The following IMMP2L variants were observed in gnomAD, a reference collection of about 807,000 sequenced individuals.
IMMP2L encodes inner mitochondrial membrane peptidase subunit 2, also known as mitochondrial inner membrane protease subunit 2.
In IMMP2L, 18 loss-of-function variants were observed where a neutral mutation model predicts 19.3. The ratio of observed to expected loss-of-function variants is 0.93; its 90% CI spans 0.64 to 1.38. The LOEUF (loss-of-function observed/expected upper bound fraction) is 1.38, where lower values mean the gene tolerates loss of function less well. IMMP2L is among the 40% of genes most tolerant of loss of function. The probability of loss-of-function intolerance (pLI) is 0.00; values close to 1 mark genes in which losing one functional copy is unlikely to be tolerated. For missense variants in IMMP2L, 233 were observed against 218.2 expected, an observed-to-expected ratio of 1.07 and a Z score of -0.43; for synonymous variants, 76 against 73.0, an observed-to-expected ratio of 1.04 and a Z score of -0.21.
chr7:111,229,462 T>C (rs1586934530), intron 3 of IMMP2L, among the ~76,000 whole-genome samples: 1 of 152,122 alleles, frequency 6.6e-6, no homozygotes, highest in East Asian at 1.9e-4. Context: ...AGGGTTGAAA[T>C]TATCCCTGGT....
At chr7:110,841,030 A>G (rs1805027775) in intron 5 of IMMP2L, among the ~76,000 whole-genome samples, 1 of 152,046 alleles carries the variant, frequency 6.6e-6, no homozygotes, top group Non-Finnish European at 1.5e-5. Context: ...AATGGTGTTT[A>G]TTTAATTCAA....
intron 5 of IMMP2L, among the ~76,000 whole-genome samples, chr7:110,694,085 G>A (rs911052526): frequency 2.5e-4 from 38 of 152,182 alleles, no homozygotes; most frequent in African/African-American, 3.6e-4. Context: ...TGATAAAGTC[G>A]TAAAAAATAA....
chr7:111,289,688 A>ATTTTG (rs773395779), intron 3 of IMMP2L, among the ~76,000 whole-genome samples: 13 of 152,070 alleles, frequency 8.5e-5, no homozygotes, highest in African/African-American at 1.2e-4. Context: ...CTACTGTTCT[A>ATTTTG]TTTTGTTTTG....
At chr7:111,393,609 G>A (rs1467702655) in intron 3 of IMMP2L, among the ~76,000 whole-genome samples, 1 of 152,052 alleles carries the variant, frequency 6.6e-6, no homozygotes, top group Non-Finnish European at 1.5e-5. Context: ...TGGTTTACAG[G>A]CTCAGTGTCT....
At chr7:111,251,735 G>T (rs936910636) in intron 3 of IMMP2L, among the ~76,000 whole-genome samples, 1 of 152,046 alleles carries the variant, frequency 6.6e-6, no homozygotes. Context: ...ACGAACTGGG[G>T]CCCATTGATG....
At position 111,392,923 on chromosome 7, in the gene IMMP2L, A is replaced by C. The variant is rs1832509641; in HGVS notation, c.239+94315T>G. Reference sequence around the variant, plus strand: ...CCCATGGAGCTGGGGGGTCCCACCCACCTGGCATGTGGATGTGTTCGCCAA... The same window carrying C: ...CCCATGGAGCTGGGGGGTCCCACCCCCCTGGCATGTGGATGTGTTCGCCAA... On this transcript the variant is annotated intron_variant, in intron 3 of 5. Coordinates refer to ENST00000405709, the MANE Select transcript of IMMP2L (RefSeq NM_032549.4). 2 of 442,146 alleles carry C rather than the reference A, an allele frequency of 4.5e-6. 1 individual carries two copies. The highest frequency in any genetic ancestry group is 3.2e-5 in the South Asian group (2 of 62,984). 27.4% of individuals were successfully genotyped at this position (442,146 alleles called of 1,614,324 possible). A position where few individuals can be genotyped will look rare whatever the true frequency, so the allele number is the denominator to read the frequency against.
intron 3 of IMMP2L, among the ~76,000 whole-genome samples, chr7:111,400,968 G>C (rs754270441): frequency 1.3e-5 from 2 of 151,928 alleles, no homozygotes; most frequent in African/African-American, 2.4e-5. Flanking sequence ...ATTCTGGTGA[G>C]GAAAGGTTTA....
At chr7:110,828,319 C>G (rs1240444699) in intron 5 of IMMP2L, among the ~76,000 whole-genome samples, 2 of 152,150 alleles carry the variant, frequency 1.3e-5, no homozygotes, top group Non-Finnish European at 2.9e-5. Context: ...CATCTTTCTT[C>G]TTGTGTTCTC....
At chr7:111,281,297 A>C (rs1294208722) in intron 3 of IMMP2L, among the ~76,000 whole-genome samples, 1 of 151,946 alleles carries the variant, frequency 6.6e-6, no homozygotes, top group Non-Finnish European at 1.5e-5. Context: ...GAAAGAAGGA[A>C]GGAAGGAAGG....
chr7:111,282,314 T>C (rs541194835), intron 3 of IMMP2L, among the ~76,000 whole-genome samples: 54 of 152,312 alleles, frequency 3.5e-4, no homozygotes, highest in Middle Eastern at 3.4e-3. Flanking sequence ...TGAAGAAATA[T>C]CTGTTCTTAC....
intron 5 of IMMP2L, among the ~76,000 whole-genome samples, chr7:110,697,760 C>T (rs1025428628): frequency 1.3e-5 from 2 of 152,182 alleles, no homozygotes; most frequent in South Asian, 4.2e-4. Flanking sequence ...TGCCACTGCA[C>T]CCCAGCCTTG....
chr7:111,111,403 C>T (rs530811561), intron 3 of IMMP2L, among the ~76,000 whole-genome samples: 17 of 136,050 alleles, frequency 1.2e-4, no homozygotes, highest in African/African-American at 4.5e-4. Flanking sequence ...TGCTTTCCAT[C>T]CCCCCCCAAA....
intron 3 of IMMP2L, among the ~76,000 whole-genome samples, chr7:111,460,842 G>A (rs974915216): frequency 3.3e-5 from 5 of 151,808 alleles, no homozygotes; most frequent in Admixed American, 3.3e-4. Flanking sequence ...CAGGCAAAAG[G>A]AAAAAATACA....
intron 3 of IMMP2L, among the ~76,000 whole-genome samples, chr7:111,095,042 C>A (rs760320700): frequency 6.6e-6 from 1 of 151,986 alleles, no homozygotes; most frequent in Admixed American, 6.6e-5. Context: ...TTTGTATACA[C>A]CTGCTTGCTA....
rs750621249 is a variant in IMMP2L at position 111,029,483 on chromosome 7, T to C, written c.240-65918A>G. Among the ~76,000 whole-genome samples the C allele has an allele frequency of 3.8e-4, 58 of 152,310 alleles. 2 individuals carry two copies. The highest frequency in any genetic ancestry group is 3.4e-3 in the Middle Eastern group (1 of 294). On this transcript the variant is annotated intron_variant, in intron 3 of 5. Coordinates refer to ENST00000405709, the MANE Select transcript of IMMP2L (RefSeq NM_032549.4). ...CACTGAAGAGATACAGGTAGCTATT[T>C]CTTTGCATCAGGTGGCTCTGACCAG... is the stretch of plus-strand genomic sequence containing the variant.
At chr7:111,193,276 C>T (rs1188476909) in intron 3 of IMMP2L, among the ~76,000 whole-genome samples, 1 of 152,038 alleles carries the variant, frequency 6.6e-6, no homozygotes, top group African/African-American at 2.4e-5. Flanking sequence ...CAGGGAATAA[C>T]AGAACAAGGG....
intron 3 of IMMP2L, among the ~76,000 whole-genome samples, chr7:111,102,289 C>A (rs1318800711): frequency 6.6e-6 from 1 of 151,068 alleles, no homozygotes; most frequent in Non-Finnish European, 1.5e-5. Flanking sequence ...TCAAATCATT[C>A]TTTTTTTTAA....
At position 110,870,474 on chromosome 7, in the gene IMMP2L, T is replaced by C. The variant is rs960345964; in HGVS notation, c.408+16119A>G. ...TGACCTCATGAAGCTCAATTTTCTA[T>C]TGGAGGAGATAAAAATATAAACATG... On this transcript the variant is annotated intron_variant, in intron 5 of 5. Coordinates refer to ENST00000405709, the MANE Select transcript of IMMP2L (RefSeq NM_032549.4). This position sits in a 1 kb window ranked among gnomAD's most constrained non-coding sequence, Gnocchi z 4.2. Among the ~76,000 whole-genome samples the C allele has an allele frequency of 3.3e-5, 5 of 152,058 alleles. No homozygotes were observed. Among genetic ancestry groups the C allele is most frequent in the African/African-American group, 4.8e-5 (2 of 41,426 alleles).
intron 3 of IMMP2L, among the ~76,000 whole-genome samples, chr7:111,240,139 T>C (rs899771623): frequency 2.6e-5 from 4 of 151,954 alleles, no homozygotes; most frequent in African/African-American, 9.7e-5. Flanking sequence ...GTATCAATAA[T>C]ATAGAATGTT....
Sources: allele counts gnomAD v4.1 joint callset (sites outside exome capture counted in the v4.1 genomes callset), GRCh38; gene constraint gnomAD v4.1.1; non-coding constraint Gnocchi (gnomAD v3.1); transcripts MANE v1.5; gene names NCBI Gene and HGNC (gene_info 2026-07-23, HGNC 2026-07-21).